The following KDM4C variants were observed in gnomAD, a reference collection of about 807,000 sequenced individuals.
KDM4C encodes lysine-specific demethylase 4C.
In KDM4C, 81 loss-of-function variants were observed where a neutral mutation model predicts 129.3. The ratio of observed to expected loss-of-function variants is 0.63; its 90% CI spans 0.52 to 0.75. The LOEUF is 0.75. Among genes scored for constraint, KDM4C ranks in the 30% least tolerant of loss-of-function variants. The pLI, the probability that KDM4C is intolerant of heterozygous loss-of-function variation, is 0.00. For missense variants in KDM4C, 1,457 were observed against 1,304.0 expected, an observed-to-expected ratio of 1.12 and a Z score of -1.81; for synonymous variants, 573 against 456.1, an observed-to-expected ratio of 1.26 and a Z score of -3.26.
At chr9:6,942,282 AGTGT>A (rs58676459) in intron 8 of KDM4C, among the ~76,000 whole-genome samples, 22,032 of 142,546 alleles carry the variant, frequency 0.15, 2,150 homozygotes, top group African/African-American at 0.28. Context: ...TAGCCCTCAA[AGTGT>A]GTGTGTGTGT....
chr9:7,126,577 A>G (rs1005608427), intron 18 of KDM4C, among the ~76,000 whole-genome samples: 29 of 152,320 alleles, frequency 1.9e-4, no homozygotes, highest in African/African-American at 6.5e-4. Context: ...GTGATTTCCA[A>G]TATATGTGTG....
chr9:7,068,931 A>T (rs984855978), intron 17 of KDM4C, among the ~76,000 whole-genome samples: 80 of 151,842 alleles, frequency 5.3e-4, no homozygotes, highest in African/African-American at 1.8e-3. Flanking sequence ...TCCTGACCTC[A>T]GGTGATCCAC....
intron 4 of KDM4C, among the ~76,000 whole-genome samples, chr9:6,826,782 G>A (rs568644036): frequency 6.6e-6 from 1 of 151,750 alleles, no homozygotes; most frequent in South Asian, 2.1e-4. Flanking sequence ...CAGGAGAATC[G>A]CTTGAACCTG....
In KDM4C at chr9:7,169,778, G is replaced by A. The variant is rs181432736; in HGVS notation, c.2902-20G>A. 1.5e-4 allele frequency: 231 copies of A among 1,585,424 alleles called. No individual in the cohort carries two copies. Among genetic ancestry groups the A allele is most frequent in the African/African-American group, 1.1e-3 (80 of 74,276 alleles). On this transcript the variant is annotated intron_variant, in intron 20 of 21. Transcript: ENST00000381309. ...GTGCTGTTTTTTTAATATGTATCAT[G>A]TTATATTATCTTTCATTAGGTTGAG... is the stretch of plus-strand genomic sequence containing the variant.
chr9:6,878,921 G>C (rs1301592441), intron 5 of KDM4C, among the ~76,000 whole-genome samples: 1 of 152,150 alleles, frequency 6.6e-6, no homozygotes, highest in African/African-American at 2.4e-5. Flanking sequence ...TAGTCATTTA[G>C]TTATGCTAAA....
Position 6,776,409 on chromosome 9 carries a change from A to G in KDM4C, c.-17-16563A>G, listed in dbSNP as rs370887800. Among the ~76,000 whole-genome samples, 33 of 151,766 alleles carry G rather than the reference A, an allele frequency of 2.2e-4. No individual in the cohort carries two copies. In the South Asian group the frequency reaches 6.2e-3, roughly 29 times the overall value. On this transcript the variant is annotated intron_variant, in intron 1 of 21. Transcript: ENST00000381309. ...CCCGAGAAGCTGGGAATACGGGCCA[A>G]TGCCATCACGACCAGCTAATTTTTT...
chr9:7,063,390 G>A (rs916169940), intron 17 of KDM4C, among the ~76,000 whole-genome samples: 12 of 152,144 alleles, frequency 7.9e-5, no homozygotes, highest in Non-Finnish European at 1.0e-4. Context: ...ATTCATTGCC[G>A]ATGGCTAATG....
chr9:6,860,118 A>T (rs529546698), intron 5 of KDM4C, among the ~76,000 whole-genome samples: 18 of 152,198 alleles, frequency 1.2e-4, no homozygotes, highest in Non-Finnish European at 2.2e-4. Context: ...GGGGGGCCAG[A>T]CTGTGGCATA....
At chr9:6,726,676 C>A (rs1817142686) in intron 1 of KDM4C, 1 of 152,288 alleles carries the variant, frequency 6.6e-6, no homozygotes. Context: ...TGCCATTCAT[C>A]ACTGACAATC....
intron 17 of KDM4C, among the ~76,000 whole-genome samples, chr9:7,061,083 C>T (rs1046866648): frequency 6.6e-6 from 1 of 152,120 alleles, no homozygotes; most frequent in African/African-American, 2.4e-5. Context: ...TCAAGCATGA[C>T]CTATGACACC....
At chr9:6,982,043 T>C (rs1816852648) in intron 9 of KDM4C, 2 of 152,498 alleles carry the variant, frequency 1.3e-5, no homozygotes, top group Admixed American at 1.3e-4. Flanking sequence ...CTGTTAATAA[T>C]CTGACAATCA....
intron 8 of KDM4C, among the ~76,000 whole-genome samples, chr9:6,952,116 G>A (rs1828259016): frequency 6.6e-6 from 1 of 152,026 alleles, no homozygotes; most frequent in Non-Finnish European, 1.5e-5. Flanking sequence ...AAGGAAATTT[G>A]AGGAAAATGT....
intron 3 of KDM4C, among the ~76,000 whole-genome samples, chr9:6,806,642 T>TGG (rs1830028011): frequency 6.6e-6 from 1 of 152,128 alleles, no homozygotes; most frequent in Non-Finnish European, 1.5e-5. Flanking sequence ...GCATGTTGGC[T>TGG]GGGCTACAGT....
Position 7,011,841 on chromosome 9 carries a change from C to T in KDM4C, c.1930C>T (p.His644Tyr), listed in dbSNP as rs1305891710. The change falls in exon 13 of 22, where the codon CAC becomes TAC. Residue 644 changes from histidine to tyrosine, a missense_variant. Physicochemically the swap from His to Tyr is moderately conservative, Grantham distance 83 (BLOSUM62 2). Transcript: ENST00000381309. ...TGCAACAGTGGCCAGGATGAAGCCA[C>T]ACTGTGCCATCTGCACTCTGCTCAT... is the stretch of plus-strand genomic sequence containing the variant. ...YNATVARMKP[H>Y]CAICTLLMPY... 3.1e-6 allele frequency: 5 copies of T among 1,613,940 alleles called. No individual in the cohort carries two copies. Among genetic ancestry groups the T allele is most frequent in the African/African-American group, 2.7e-5 (2 of 74,924 alleles).
chr9:7,017,482 A>AAATAAT (rs553906722), intron 15 of KDM4C, among the ~76,000 whole-genome samples: 2 of 152,076 alleles, frequency 1.3e-5, no homozygotes, highest in African/African-American at 2.4e-5. Flanking sequence ...GGGCAGAAGA[A>AAATAAT]AATAATAATA....
chr9:6,968,787 A>G (rs1284359304), intron 8 of KDM4C, among the ~76,000 whole-genome samples: 2 of 152,154 alleles, frequency 1.3e-5, no homozygotes, highest in African/African-American at 2.4e-5. Flanking sequence ...CATATTTTTG[A>G]CATTTTATTA....
chr9:7,034,607 C>G (rs1299477331), intron 15 of KDM4C, among the ~76,000 whole-genome samples: 1 of 152,142 alleles, frequency 6.6e-6, no homozygotes, highest in Non-Finnish European at 1.5e-5. Context: ...CATATCTTAG[C>G]TATTTTCAAC....
intron 6 of KDM4C, among the ~76,000 whole-genome samples, chr9:6,881,685 T>G (rs1372315862): frequency 1.3e-5 from 2 of 152,220 alleles, no homozygotes; most frequent in Non-Finnish European, 2.9e-5. Context: ...GTTTAATCAG[T>G]AAGAGGTTAA....
chr9:6,747,539 CA>C (rs35996555), intron 1 of KDM4C, among the ~76,000 whole-genome samples: 145 of 97,992 alleles, frequency 1.5e-3, no homozygotes, highest in East Asian at 7.7e-3. Flanking sequence ...CAGGGCGATT[CA>C]AAAAAAAAAA....
Sources: gnomAD v4.1 joint callset for allele counts (sites outside exome capture counted in the v4.1 genomes callset) on GRCh38, gnomAD v4.1.1 for gene constraint, MANE v1.5 for transcripts, NCBI Gene and HGNC (gene_info 2026-07-23, HGNC 2026-07-21) for gene names.